The following CNTNAP2 variants were observed in gnomAD, a reference collection of about 807,000 sequenced individuals.
CNTNAP2 encodes the protein contactin-associated protein-like 2.
In CNTNAP2, 98 loss-of-function variants were observed where a neutral mutation model predicts 155.2. The ratio of observed to expected loss-of-function variants is 0.63; its 90% confidence interval spans 0.54 to 0.75. CNTNAP2 has a LOEUF of 0.75. Ranked by LOEUF, CNTNAP2 falls within the 30% of genes least tolerant of loss-of-function variation. The pLI is 0.00. For missense variants in CNTNAP2, 1,727 were observed against 1,688.1 expected, an observed-to-expected ratio of 1.02 and a Z score of -0.40; for synonymous variants, 651 against 631.2, an observed-to-expected ratio of 1.03 and a Z score of -0.47.
At chr7:147,340,106 A>G (rs1795735181) in intron 9 of CNTNAP2, among the ~76,000 whole-genome samples, 1 of 152,160 alleles carries the variant, frequency 6.6e-6, no homozygotes, top group Admixed American at 6.6e-5. Flanking sequence ...CTGCATTTAC[A>G]TAAGAGATAA....
At chr7:146,931,825 T>C (rs938800552) in intron 3 of CNTNAP2, among the ~76,000 whole-genome samples, 1 of 151,912 alleles carries the variant, frequency 6.6e-6, no homozygotes, top group African/African-American at 2.4e-5. Flanking sequence ...GCAAATAAAC[T>C]AGAAAATCTA....
intron 3 of CNTNAP2, among the ~76,000 whole-genome samples, chr7:146,923,536 C>A (rs187936261): frequency 1.3e-5 from 2 of 152,256 alleles, no homozygotes; most frequent in East Asian, 1.9e-4. Context: ...AATACACACA[C>A]CTCCTTTCTA....
intron 22 of CNTNAP2, among the ~76,000 whole-genome samples, chr7:148,384,189 T>C (rs1423406889): frequency 1.3e-5 from 2 of 152,210 alleles, no homozygotes; most frequent in Non-Finnish European, 2.9e-5. Context: ...ATTTGATCAA[T>C]TCACTGTCTC....
chr7:146,730,725 C>T (rs1406082147), intron 1 of CNTNAP2, among the ~76,000 whole-genome samples: 2 of 152,092 alleles, frequency 1.3e-5, no homozygotes, highest in Admixed American at 6.6e-5. Flanking sequence ...GAATAGAACT[C>T]CTACTATCTG....
chr7:146,250,022 T>G (rs1563007914), intron 1 of CNTNAP2, among the ~76,000 whole-genome samples: 1 of 152,214 alleles, frequency 6.6e-6, no homozygotes, highest in Non-Finnish European at 1.5e-5. Context: ...CTTGAAGAGA[T>G]AAGATACTCT....
At chr7:146,651,169 A>C (rs1799904881) in intron 1 of CNTNAP2, among the ~76,000 whole-genome samples, 1 of 152,126 alleles carries the variant, frequency 6.6e-6, no homozygotes, top group Non-Finnish European at 1.5e-5. Context: ...TAAGTGAAAA[A>C]CTGAAAAATT....
chr7:147,179,573 A>AC (rs1369912818), intron 8 of CNTNAP2, among the ~76,000 whole-genome samples: 6 of 152,296 alleles, frequency 3.9e-5, no homozygotes, highest in African/African-American at 1.4e-4. Flanking sequence ...AAACCAGTTG[A>AC]CCCATTTTGT....
intron 1 of CNTNAP2, among the ~76,000 whole-genome samples, chr7:146,330,350 A>G (rs1397803971): frequency 6.6e-6 from 1 of 152,096 alleles, no homozygotes; most frequent in Non-Finnish European, 1.5e-5. Flanking sequence ...CACCAGTAAT[A>G]TGACAAGCAC....
chr7:146,889,588 A>G (rs1795737316), intron 3 of CNTNAP2, among the ~76,000 whole-genome samples: 1 of 152,106 alleles, frequency 6.6e-6, no homozygotes, highest in African/African-American at 2.4e-5. Context: ...CTTATTTTAA[A>G]TAAAATGTAC....
intron 14 of CNTNAP2, among the ~76,000 whole-genome samples, chr7:147,920,805 CTTTTTTT>C (rs1219556681): frequency 2.0e-5 from 2 of 100,654 alleles, no homozygotes; most frequent in Non-Finnish European, 3.8e-5. Context: ...CTGCTCCTGT[CTTTTTTT>C]TTTTTTTTTT....
chr7:148,028,508 C>T lies in CNTNAP2; in HGVS notation c.2383+50519C>T, dbSNP rs116609943. ...GAAGGATCACTTGAGTCCGGGAGGT[C>T]AAGGCTGCAGTGAGCCATGATTGTG... On this transcript the variant is annotated intron_variant, in intron 15 of 23. Transcript: ENST00000361727. Among the ~76,000 whole-genome samples the T allele has an allele frequency of 8.4e-3, 1,284 of 152,280 alleles. 20 individuals carry two copies. The highest frequency in any genetic ancestry group is 0.028 in the African/African-American group (1,181 of 41,548).
At chr7:147,763,758 A>G (rs1460459688) in intron 13 of CNTNAP2, among the ~76,000 whole-genome samples, 1 of 152,106 alleles carries the variant, frequency 6.6e-6, no homozygotes, top group African/African-American at 2.4e-5. Flanking sequence ...TTCAGTCTTC[A>G]CTCTCACTAC....
intron 8 of CNTNAP2, among the ~76,000 whole-genome samples, chr7:147,236,448 C>G (rs1803806833): frequency 6.6e-6 from 1 of 151,774 alleles, no homozygotes; most frequent in Non-Finnish European, 1.5e-5. Flanking sequence ...AGTCTATCCT[C>G]CTTTAAACAT....
intron 1 of CNTNAP2, among the ~76,000 whole-genome samples, chr7:146,212,099 G>T (rs1343105801): frequency 2.0e-5 from 3 of 152,030 alleles, no homozygotes; most frequent in Admixed American, 6.6e-5. Flanking sequence ...TAATATTTTT[G>T]AAAATCCAGG....
At chr7:146,262,281 C>T (rs1367034454) in intron 1 of CNTNAP2, among the ~76,000 whole-genome samples, 1 of 152,188 alleles carries the variant, frequency 6.6e-6, no homozygotes, top group Non-Finnish European at 1.5e-5. Context: ...ATCAGAACTT[C>T]AGCTGACCCC....
At chr7:147,205,704 C>CTCAGGG (rs919017216) in intron 8 of CNTNAP2, among the ~76,000 whole-genome samples, 7 of 150,618 alleles carry the variant, frequency 4.6e-5, no homozygotes, top group African/African-American at 1.7e-4. Flanking sequence ...AAAAAAGGAA[C>CTCAGGG]TCAGGGTGAT....
chr7:146,624,361 T>A (rs1248820361), intron 1 of CNTNAP2, among the ~76,000 whole-genome samples: 2 of 152,036 alleles, frequency 1.3e-5, no homozygotes, highest in African/African-American at 4.8e-5. Context: ...TAAGTATAGT[T>A]TTTTAAATTT....
chr7:148,078,407 C>G (rs58508842), intron 15 of CNTNAP2, among the ~76,000 whole-genome samples: 1,996 of 152,228 alleles, frequency 0.013, 49 homozygotes, highest in African/African-American at 0.046. Flanking sequence ...TTTTCCTGTT[C>G]TCTATTTCAT....
At chr7:146,667,563 A>T (rs1800219174) in intron 1 of CNTNAP2, among the ~76,000 whole-genome samples, 1 of 151,958 alleles carries the variant, frequency 6.6e-6, no homozygotes, top group Admixed American at 6.6e-5. Flanking sequence ...TCTTTTCGAT[A>T]GTATGGCCAT....
Sources: gnomAD v4.1 joint callset for allele counts (sites outside exome capture counted in the v4.1 genomes callset) on GRCh38, gnomAD v4.1.1 for gene constraint, MANE v1.5 for transcripts, NCBI Gene and HGNC (gene_info 2026-07-23, HGNC 2026-07-21) for gene names.